NR2C1: variants seen among roughly 807,000 people sequenced by gnomAD.
NR2C1 encodes the protein TR2 nuclear hormone receptor.
Under a neutral mutation model 74.8 loss-of-function variants are expected in NR2C1, and 33 were observed. The ratio of observed to expected loss-of-function variants is 0.44; its 90% CI spans 0.33 to 0.59. The LOEUF is 0.59. Among genes scored for constraint, NR2C1 ranks in the 20% least tolerant of loss-of-function variants. The pLI is 0.02. For synonymous variants in NR2C1, 225 were observed against 240.6 expected, an observed-to-expected ratio of 0.94 and a Z score of 0.60; for missense variants, 568 against 715.6, an observed-to-expected ratio of 0.79 and a Z score of 2.35.
In NR2C1 at chr12:95,059,990, A is replaced by T; in HGVS notation, c.286-6T>A. On this transcript the variant is annotated splice_polypyrimidine_tract_variant and splice_region_variant and intron_variant, in intron 3 of 13. Coordinates refer to ENST00000333003, the MANE Select transcript of NR2C1 (RefSeq NM_003297.4). ...GGAGAATTATCTGTTAGGAGCTAAA[A>T]AAAAAAAAAAAAAAAAAGAAAACAA... is the stretch of plus-strand genomic sequence containing the variant. 5 of 1,039,142 alleles carry T rather than the reference A, an allele frequency of 4.8e-6. No individual in the cohort carries two copies. Among genetic ancestry groups the T allele is most frequent in the Admixed American group, 2.9e-5 (1 of 34,408 alleles). The allele number at this position is 1,039,142 out of a possible 1,614,324, so 64.4% of individuals were successfully genotyped here.
chr12:95,030,813 A>G (rs773100908), intron 11 of NR2C1: 1 of 1,613,482 alleles, frequency 6.2e-7, no homozygotes, highest in African/African-American at 1.3e-5. Context: ...ATAGTTAAGC[A>G]TTTATAAATC....
chr12:95,043,284 T>G (rs955180057), intron 9 of NR2C1, among the ~76,000 whole-genome samples: 5 of 151,230 alleles, frequency 3.3e-5, no homozygotes, highest in Non-Finnish European at 5.9e-5. Flanking sequence ...TATCATATCT[T>G]TTCAGAATTA....
chr12:95,039,683 A>T (rs1001944858), intron 10 of NR2C1, among the ~76,000 whole-genome samples: 1 of 152,266 alleles, frequency 6.6e-6, no homozygotes, highest in Non-Finnish European at 1.5e-5. Flanking sequence ...GCCGGAGTGC[A>T]GTAAGCAATG....
intron 8 of NR2C1, among the ~76,000 whole-genome samples, chr12:95,050,282 T>TA (rs1872800364): frequency 6.6e-6 from 1 of 152,204 alleles, no homozygotes; most frequent in Non-Finnish European, 1.5e-5. Flanking sequence ...TTGTGACTCT[T>TA]AAATGTAGTT....
chr12:95,063,514 G>A (rs542621405), intron 2 of NR2C1, among the ~76,000 whole-genome samples: 3 of 152,270 alleles, frequency 2.0e-5, no homozygotes, highest in African/African-American at 7.2e-5. Flanking sequence ...CCACCAAAGG[G>A]TTTGGAGCAG....
chr12:95,038,467 T>C (rs1327717024), intron 10 of NR2C1, among the ~76,000 whole-genome samples: 1 of 152,244 alleles, frequency 6.6e-6, no homozygotes, highest in Non-Finnish European at 1.5e-5. Context: ...TTAAAATTAG[T>C]CAATTGCTGG....
intron 2 of NR2C1, among the ~76,000 whole-genome samples, chr12:95,063,453 G>A (rs1204283277): frequency 1.3e-5 from 2 of 152,194 alleles, no homozygotes; most frequent in Non-Finnish European, 2.9e-5. Flanking sequence ...GACTCAGAGG[G>A]CTTTGTAGGC....
intron 13 of NR2C1, among the ~76,000 whole-genome samples, chr12:95,023,158 A>G (rs1390325625): frequency 6.6e-6 from 1 of 151,708 alleles, no homozygotes; most frequent in Non-Finnish European, 1.5e-5. Context: ...ATAAAATAAA[A>G]TCAGCCGGGC....
intron 1 of NR2C1, among the ~76,000 whole-genome samples, chr12:95,070,939 C>T (rs1876506529): frequency 6.6e-6 from 1 of 152,234 alleles, no homozygotes; most frequent in Admixed American, 6.5e-5. Flanking sequence ...ATGGCTCACG[C>T]CTGTAATCCC....
Position 95,049,214 on chromosome 12 carries a change from T to C in NR2C1, c.985A>G (p.Lys329Glu), listed in dbSNP as rs1488600975. ...GTGCTCTCTCCAGGATTCAATGCTTTTGCAAGAGTGTCAAATGCCCTGTAT... is the reference window on the plus strand; with the variant it reads ...GTGCTCTCTCCAGGATTCAATGCTTCTGCAAGAGTGTCAAATGCCCTGTAT... ...DVSRAFDTLA[K>E]ALNPGESTAC... is the part of the protein sequence containing the mutation. The change falls in exon 9 of 14, where the codon AAA becomes GAA. Residue 329 changes from lysine (K) to glutamate (E), a missense_variant. By Grantham distance (56) the Lys-to-Glu change is moderately conservative. This residue lies in a region of NR2C1 where 239 missense variants were observed against 232.3 expected (regional missense o/e 1.03). Transcript: ENST00000333003. 1 of 1,613,832 alleles carries C rather than the reference T, an allele frequency of 6.2e-7. No homozygotes were observed. Among genetic ancestry groups the C allele is most frequent in the Non-Finnish European group, 8.5e-7 (1 of 1,179,960 alleles).
chr12:95,048,631 T>G (rs545067792), intron 9 of NR2C1, among the ~76,000 whole-genome samples: 2 of 151,678 alleles, frequency 1.3e-5, no homozygotes, highest in East Asian at 1.9e-4. Context: ...AGTTTTTTTT[T>G]TTTTTTTTTT....
At chr12:95,027,971 A>C (rs1869575843) in intron 12 of NR2C1, 1 of 155,330 alleles carries the variant, frequency 6.4e-6, no homozygotes, top group Non-Finnish European at 1.4e-5. Context: ...AAACAATATG[A>C]CTGGCTTCTT....
At chr12:95,069,642 A>G (rs563413273) in intron 1 of NR2C1, among the ~76,000 whole-genome samples, 12 of 152,240 alleles carry the variant, frequency 7.9e-5, no homozygotes, top group African/African-American at 2.4e-4. Flanking sequence ...TCCCCATAAC[A>G]TATGACTATA....
chr12:95,050,558 C>G (rs1165297708), intron 8 of NR2C1, among the ~76,000 whole-genome samples: 1 of 152,120 alleles, frequency 6.6e-6, no homozygotes, highest in Non-Finnish European at 1.5e-5. Flanking sequence ...ATCCACCCCT[C>G]TCGGCCTCCT....
rs1873049243 is a variant in NR2C1, at chr12:95,051,808, A to G, written c.919T>C (p.Ser307Pro). Residue 307 changes from serine (S) to proline (P), a missense_variant, in exon 8 of 14, where the codon TCT becomes CCT. This residue lies in a region of NR2C1 where 239 missense variants were observed against 232.3 expected (regional missense o/e 1.03). Coordinates refer to ENST00000333003, the MANE Select transcript of NR2C1 (RefSeq NM_003297.4). ...TGCATTTCTTGAAATTCACACAAAG[A>G]GGTATCATCATTGCTTAAGCTTTCA... ...MIESLSNDDT[S>P]LCEFQEMQTN... The G allele has an allele frequency of 3.7e-6, 6 of 1,608,124 alleles. No individual in the cohort carries two copies. The highest frequency in any genetic ancestry group is 4.2e-6 in the Non-Finnish European group (5 of 1,178,780).
At chr12:95,070,278 T>TGCA (rs1876404614) in intron 1 of NR2C1, among the ~76,000 whole-genome samples, 1 of 152,182 alleles carries the variant, frequency 6.6e-6, no homozygotes, top group East Asian at 1.9e-4. Context: ...ATTACAGGCA[T>TGCA]GCACCACCAT....
chr12:95,063,516 T>C (rs7298631), intron 2 of NR2C1, among the ~76,000 whole-genome samples: 56,330 of 151,866 alleles, frequency 0.37, 10,970 homozygotes, highest in East Asian at 0.41. Flanking sequence ...ACCAAAGGGT[T>C]TGGAGCAGAG....
intron 7 of NR2C1, among the ~76,000 whole-genome samples, chr12:95,052,784 CG>C (rs1256951796): frequency 6.6e-6 from 1 of 151,956 alleles, no homozygotes; most frequent in Non-Finnish European, 1.5e-5. Context: ...TAGTGAAGAG[CG>C]GGGGAAAAAA....
At chr12:95,056,769 T>C (rs1454599331) in intron 7 of NR2C1, among the ~76,000 whole-genome samples, 9 of 152,140 alleles carry the variant, frequency 5.9e-5, no homozygotes, top group Admixed American at 5.9e-4. Context: ...CCATCCTGGC[T>C]AACAAGGTGA....
Sources: gnomAD v4.1 joint callset for allele counts (sites outside exome capture counted in the v4.1 genomes callset) on GRCh38, gnomAD v4.1.1 for gene constraint, gnomAD v4.1.1 regional missense constraint, MANE v1.5 for transcripts, NCBI Gene and HGNC (gene_info 2026-07-23, HGNC 2026-07-21) for gene names.